Variants in DDX60L observed in about 807,000 individuals in gnomAD.
DDX60L encodes probable ATP-dependent RNA helicase DDX60-like.
A neutral mutation model predicts 211.6 loss-of-function variants in DDX60L; 191 were observed. The observed-to-expected ratio is 0.90, with a 90% CI of 0.80 to 1.02. The LOEUF (loss-of-function observed/expected upper bound fraction) is 1.02. Among genes scored for constraint, DDX60L ranks in the 50% least tolerant of loss-of-function variants. DDX60L has a pLI of 0.00. For synonymous variants in DDX60L, 706 were observed against 694.1 expected, an observed-to-expected ratio of 1.02 and a Z score of -0.27; for missense variants, 2,007 against 1,984.1, an observed-to-expected ratio of 1.01 and a Z score of -0.22.
intron 33 of DDX60L, chr4:168,377,682 T>TC (rs1194582503): frequency 3.3e-5 from 5 of 152,186 alleles, no homozygotes; most frequent in Admixed American, 1.3e-4. Context: ...TGGAGGTATA[T>TC]CCAGAGGCAT....
At chr4:168,398,249 G>C (rs1315687411) in intron 26 of DDX60L, among the ~76,000 whole-genome samples, 1 of 152,174 alleles carries the variant, frequency 6.6e-6, no homozygotes, top group Non-Finnish European at 1.5e-5. Context: ...GCCTCTCCCT[G>C]CTCCTGGCAC....
rs956623357 is a variant in DDX60L, at chr4:168,471,943, T to C, written c.75-7A>G. 1.0e-5 allele frequency: 16 copies of C among 1,562,652 alleles called. No homozygotes were observed. The highest frequency in any genetic ancestry group is 1.4e-5 in the Non-Finnish European group (16 of 1,155,986). On this transcript the variant is annotated splice_region_variant and splice_polypyrimidine_tract_variant and intron_variant, in intron 3 of 37. Transcript: ENST00000682922. ...ATTTAATATGCTGGAATACCTAAAA[T>C]AAAAATCAAAGAGAATAAAAATCAC...
intron 26 of DDX60L, among the ~76,000 whole-genome samples, chr4:168,399,117 C>T (rs1318651336): frequency 6.6e-6 from 1 of 152,198 alleles, no homozygotes; most frequent in African/African-American, 2.4e-5. Context: ...GTCTGTGTAC[C>T]TCATTCTTCC....
chr4:168,446,682 G>C (rs1235083067), intron 9 of DDX60L, among the ~76,000 whole-genome samples: 1 of 150,114 alleles, frequency 6.7e-6, no homozygotes, highest in Non-Finnish European at 1.5e-5. Context: ...CCAAAACAGA[G>C]ATATAGATCA....
In DDX60L at chr4:168,427,201, T is replaced by C. The variant is rs1436176518; in HGVS notation, c.1799A>G (p.Asn600Ser). ...LFSIEEEMKN[N>S]LHSGIRKLED... Reference sequence around the variant, plus strand: ...CAATTTCCTTATTCCAGAATGTAAATTGTTCTTCATCTCCTCTTCAATAGA... The same window carrying C: ...CAATTTCCTTATTCCAGAATGTAAACTGTTCTTCATCTCCTCTTCAATAGA... Residue 600 changes from asparagine (N) to serine (S), a missense_variant, in exon 14 of 38, where the codon AAT (asparagine) becomes AGT (serine). Asn to Ser is a conservative substitution (Grantham distance 46, BLOSUM62 1). Coordinates refer to ENST00000682922, the MANE Select transcript of DDX60L (RefSeq NM_001012967.3). 6 of 1,613,442 alleles carry C rather than the reference T, an allele frequency of 3.7e-6. 1 individual carries two copies. In the South Asian group the frequency reaches 6.6e-5, roughly 18 times the overall value.
intron 10 of DDX60L, 105 bp downstream of exon 10, chr4:168,441,232 G>T: frequency 1.7e-6 from 2 of 1,149,246 alleles, no homozygotes; most frequent in Non-Finnish European, 2.5e-6. Flanking sequence ...AGAAAGCACA[G>T]TGAAGGAAAA....
At chr4:168,449,652 C>CAAAAAAAAAAAAAAAAAAAAAATA in intron 8 of DDX60L, among the ~76,000 whole-genome samples, 1 of 7,936 alleles carries the variant, frequency 1.3e-4, no homozygotes, top group East Asian at 5.1e-3. Context: ...AAAAAAAATG[C>CAAAAAAAAAAAAAAAAAAAAAATA]AAAAAAAAAA....
chr4:168,471,724 C>T (rs553490776), intron 4 of DDX60L, 23 bp downstream of exon 4: 15 of 1,562,618 alleles, frequency 9.6e-6, no homozygotes, highest in African/African-American at 1.4e-5. Flanking sequence ...AGGACTAAAA[C>T]GACATCAATC....
intron 33 of DDX60L, among the ~76,000 whole-genome samples, chr4:168,377,331 T>C (rs945274598): frequency 6.7e-6 from 1 of 150,238 alleles, no homozygotes; most frequent in Non-Finnish European, 1.5e-5. Flanking sequence ...AATAAATAAA[T>C]AAATAAATAA....
intron 1 of DDX60L, among the ~76,000 whole-genome samples, chr4:168,477,852 T>C (rs1171016300): frequency 1.3e-5 from 2 of 152,218 alleles, no homozygotes; most frequent in Non-Finnish European, 2.9e-5. Flanking sequence ...TTAGTTGCTG[T>C]TTTTGAGGAG....
At position 168,471,927 on chromosome 4, in the gene DDX60L, G is replaced by T. The variant is rs1262479166; in HGVS notation, c.84C>A (p.Ser28Arg). 1 of 1,594,614 alleles carries T rather than the reference G, an allele frequency of 6.3e-7. No individual in the cohort carries two copies. Among genetic ancestry groups the T allele is most frequent in the East Asian group, 2.2e-5 (1 of 44,670 alleles). ...LNEMPKAGYS[S>R]ILNDFVESNF... is the part of the protein sequence containing the mutation. ...TAGATTCCACAAAATCATTTAATATGCTGGAATACCTAAAATAAAAATCAA... is the reference window on the plus strand; with the variant it reads ...TAGATTCCACAAAATCATTTAATATTCTGGAATACCTAAAATAAAAATCAA... Residue 28 changes from serine (S) to arginine (R), a missense_variant, in exon 4 of 38, where the codon AGC becomes AGA. Coordinates refer to ENST00000682922, the MANE Select transcript of DDX60L (RefSeq NM_001012967.3).
At chr4:168,464,202 A>C (rs1336542188) in intron 4 of DDX60L, among the ~76,000 whole-genome samples, 1 of 152,168 alleles carries the variant, frequency 6.6e-6, no homozygotes, top group Non-Finnish European at 1.5e-5. Flanking sequence ...ATATTCAAGA[A>C]CTGTAGAATA....
chr4:168,461,634 GAGTT>G, intron 5 of DDX60L, 61 bp downstream of exon 5: 1 of 1,116,726 alleles, frequency 9.0e-7, no homozygotes, highest in Non-Finnish European at 1.3e-6. Context: ...AAAGAATATT[GAGTT>G]AGTGATTTTG....
intron 3 of DDX60L, among the ~76,000 whole-genome samples, chr4:168,472,239 A>G (rs1347746564): frequency 6.6e-6 from 1 of 152,220 alleles, no homozygotes; most frequent in Non-Finnish European, 1.5e-5. Flanking sequence ...AAGGACATAT[A>G]TAACTCCCAG....
intron 1 of DDX60L, among the ~76,000 whole-genome samples, chr4:168,474,254 T>C (rs1275789318): frequency 6.6e-6 from 1 of 151,952 alleles, no homozygotes; most frequent in Non-Finnish European, 1.5e-5. Context: ...GGAGTGGTCA[T>C]TCAAAGAGCC....
At position 168,467,373 on chromosome 4, in the gene DDX60L, C is replaced by T. The variant is rs114835535; in HGVS notation, c.264+4374G>A. Among the ~76,000 whole-genome samples, 240 of 147,206 alleles carry T rather than the reference C, an allele frequency of 1.6e-3. 1 individual carries two copies. The highest frequency in any genetic ancestry group is 5.9e-3 in the African/African-American group (233 of 39,812). ...ACAGTGTGCCAAAATCATGCTACTG[C>T]TATGTTGCAGCCTGGGAGACAGAGT... On this transcript the variant is annotated intron_variant, in intron 4 of 37. Transcript: ENST00000682922.
At chr4:168,358,379 A>G (rs1268077377) in intron 37 of DDX60L, 103 bp from the exon 38 acceptor site, 20 of 826,438 alleles carry the variant, frequency 2.4e-5, no homozygotes, top group Non-Finnish European at 3.3e-5. Context: ...AAAATCTATC[A>G]GATGTAAATA....
intron 4 of DDX60L, among the ~76,000 whole-genome samples, chr4:168,462,396 T>A (rs1401650216): frequency 1.3e-5 from 2 of 152,194 alleles, no homozygotes; most frequent in East Asian, 3.8e-4. Context: ...CCAGGTGATG[T>A]GTCTCCTCCC....
rs1579631172 is a variant in DDX60L, at chr4:168,436,366, AATCTTGG to A, written c.1295-3258_1295-3252del. On this transcript the variant is annotated intron_variant, in intron 10 of 37. Transcript: ENST00000682922. ...TTGGACTTACAGAACCCGTATCCAC[AATCTTGG>A]TATTTCACACAATATGGTTTCTGAT... 2.0e-5 allele frequency among the ~76,000 whole-genome samples: 3 copies of A among 152,324 alleles called. No individual in the cohort carries two copies. In the South Asian group the frequency reaches 6.2e-4, roughly 32 times the overall value.
Sources: gnomAD v4.1 joint callset for allele counts (sites outside exome capture counted in the v4.1 genomes callset) on GRCh38, gnomAD v4.1.1 for gene constraint, MANE v1.5 for transcripts, NCBI Gene and HGNC (gene_info 2026-07-23, HGNC 2026-07-21) for gene names.